Variants in CAMSAP2 observed in about 807,000 individuals in gnomAD.
The protein encoded by CAMSAP2 is calmodulin regulated spectrin associated protein family member 2.
CAMSAP2 carries 26 observed loss-of-function variants against 146.1 expected under a neutral mutation model. The observed-to-expected ratio is 0.18, with a 90% confidence interval of 0.13 to 0.25. The LOEUF is 0.25. Ranked by LOEUF, CAMSAP2 falls within the 10% of genes least tolerant of loss-of-function variation. The probability of loss-of-function intolerance (pLI) is 1.00; values close to 1 mark genes in which losing one functional copy is unlikely to be tolerated. For missense variants in CAMSAP2, 1,381 were observed against 1,759.3 expected (o/e 0.78, Z 3.85); for synonymous variants, 499 against 596.6 (o/e 0.84, Z 2.38).
At chr1:200,746,689 G>A (rs1213863639) in intron 1 of CAMSAP2, among the ~76,000 whole-genome samples, 2 of 151,348 alleles carry the variant, frequency 1.3e-5, no homozygotes, top group Non-Finnish European at 2.9e-5. Context: ...CGTGATCTCG[G>A]CTCACTGCAA....
chr1:200,768,789 G>C (rs1344611892), intron 2 of CAMSAP2, among the ~76,000 whole-genome samples: 1 of 152,076 alleles, frequency 6.6e-6, no homozygotes, highest in Admixed American at 6.6e-5. Flanking sequence ...AAGTAGCTGG[G>C]ACTACAGGCG....
intron 4 of CAMSAP2, among the ~76,000 whole-genome samples, chr1:200,817,085 C>CACGTGTGTGTATAT (rs1666583507): frequency 6.9e-6 from 1 of 144,034 alleles, no homozygotes; most frequent in Admixed American, 6.7e-5. Context: ...TGTATACACA[C>CACGTGTGTGTATAT]ACACGTATAT....
At position 200,807,498 on chromosome 1, in the gene CAMSAP2, C is replaced by T. The variant is rs1232239490; in HGVS notation, c.522C>T (p.Pro174=). Residue 174 remains proline (P), a synonymous_variant, in exon 3 of 17, where the codon CCC becomes CCT. Coordinates refer to ENST00000358823, the MANE Select transcript of CAMSAP2 (RefSeq NM_203459.4). ...YSAFFQATDL[P]YDIEDAVMYW... ...CTTTTTTTCAAGCCACAGATCTGCCCTATGATATTGAGGACGCTGTCATGT... is the reference window on the plus strand; with the variant it reads ...CTTTTTTTCAAGCCACAGATCTGCCTTATGATATTGAGGACGCTGTCATGT... 1 of 1,608,620 alleles carries T rather than the reference C, an allele frequency of 6.2e-7. No homozygotes were observed.
rs1667148812 is a variant in CAMSAP2 at position 200,834,969 on chromosome 1, G to A, written c.927+2124G>A. Among the ~76,000 whole-genome samples the A allele has an allele frequency of 3.9e-5, 6 of 152,306 alleles. No homozygotes were observed. The South Asian group carries it at 1.2e-3, about 32-fold the overall frequency. ...CTTTTAATTTTTAAAGGTTAAAAAA[G>A]AGTGTTTAAAATAGTAATTATTTGA... On this transcript the variant is annotated intron_variant, in intron 6 of 16. Coordinates refer to ENST00000358823, the MANE Select transcript of CAMSAP2 (RefSeq NM_203459.4).
chr1:200,754,217 T>C (rs1054867129), intron 1 of CAMSAP2, among the ~76,000 whole-genome samples: 7 of 152,246 alleles, frequency 4.6e-5, no homozygotes, highest in African/African-American at 9.6e-5. Context: ...TTAAGGTTTC[T>C]TTATTCAAGT....
chr1:200,848,198 A>T lies in CAMSAP2; in HGVS notation c.1429A>T (p.Ile477Leu). The change falls in exon 11 of 17, where the codon ATA becomes TTA. Residue 477 changes from isoleucine (I) to leucine (L), a missense_variant. Around this residue, in one of 4 missense-constraint regions of CAMSAP2, gnomAD observed 447 missense variants for 462.2 expected, o/e 0.97. Transcript: ENST00000358823. ...TAGGAAAAATTTGTCCTTCAAGCCA[A>T]TAAATGGAGAAGAGGAAGCAGAGAG... ...HIRKNLSFKP[I>L]NGEEEAESIE... 1 of 1,613,972 alleles carries T rather than the reference A, an allele frequency of 6.2e-7. No homozygotes were observed. The highest frequency in any genetic ancestry group is 1.1e-5 in the South Asian group (1 of 91,066).
intron 4 of CAMSAP2, among the ~76,000 whole-genome samples, chr1:200,822,485 C>A (rs879680561): frequency 1.4e-4 from 21 of 152,058 alleles, no homozygotes; most frequent in Non-Finnish European, 2.8e-4. Context: ...TCTAATATTT[C>A]CTCATTATTA....
intron 6 of CAMSAP2, among the ~76,000 whole-genome samples, chr1:200,837,094 A>G (rs1667204387): frequency 6.6e-6 from 1 of 152,096 alleles, no homozygotes; most frequent in African/African-American, 2.4e-5. Flanking sequence ...TTGTAGTTTA[A>G]TTAGATCCTA....
chr1:200,781,734 G>A (rs910850658), intron 2 of CAMSAP2, among the ~76,000 whole-genome samples: 1 of 151,952 alleles, frequency 6.6e-6, no homozygotes, highest in Non-Finnish European at 1.5e-5. Flanking sequence ...TGTAGAGACA[G>A]GGTTTTGCCA....
At chr1:200,819,105 T>A (rs768681900) in intron 4 of CAMSAP2, among the ~76,000 whole-genome samples, 5 of 152,198 alleles carry the variant, frequency 3.3e-5, no homozygotes, top group Non-Finnish European at 5.9e-5. Context: ...TATATATTAT[T>A]AGGGTTGGAC....
At chr1:200,777,570 T>G (rs1437097806) in intron 2 of CAMSAP2, among the ~76,000 whole-genome samples, 2 of 152,162 alleles carry the variant, frequency 1.3e-5, no homozygotes, top group Admixed American at 6.5e-5. Context: ...TTTTCTAACT[T>G]CTAGGAGTCA....
chr1:200,743,035 A>G (rs1178433048), intron 1 of CAMSAP2, among the ~76,000 whole-genome samples: 1 of 152,230 alleles, frequency 6.6e-6, no homozygotes, highest in Non-Finnish European at 1.5e-5. Flanking sequence ...TGAAGAATAC[A>G]TTTTTATAGA....
At chr1:200,836,750 C>T (rs148319973) in intron 6 of CAMSAP2, among the ~76,000 whole-genome samples, 1 of 152,200 alleles carries the variant, frequency 6.6e-6, no homozygotes, top group Admixed American at 6.5e-5. Context: ...TTTGTCAACA[C>T]CTATTATTTT....
intron 3 of CAMSAP2, among the ~76,000 whole-genome samples, chr1:200,814,523 T>C (rs934020036): frequency 6.9e-6 from 1 of 144,966 alleles, no homozygotes; most frequent in Non-Finnish European, 1.5e-5. Context: ...GGCAGGAGAA[T>C]TGCTTGAACC....
In CAMSAP2 at chr1:200,857,193, G is replaced by A; in HGVS notation, c.4013-113G>A. ...TAAGAGGCCTTTAAGCACAGAATTT[G>A]GTCTTCTATTACAATATTTCAGCAG... On this transcript the variant is annotated intron_variant, in intron 15 of 16. Coordinates refer to ENST00000358823, the MANE Select transcript of CAMSAP2 (RefSeq NM_203459.4). The surrounding 1 kb of genome is among the most constrained non-coding windows in gnomAD (Gnocchi z 4.7). 1.3e-6 allele frequency: 1 copy of A among 749,786 alleles called. No individual in the cohort carries two copies. The highest frequency in any genetic ancestry group is 1.6e-5 in the South Asian group (1 of 61,150). 46.4% of individuals were successfully genotyped at this position (749,786 alleles called of 1,614,324 possible). A position where few individuals can be genotyped will look rare whatever the true frequency, so the allele number is the denominator to read the frequency against.
At chr1:200,801,303 A>G (rs1469417240) in intron 2 of CAMSAP2, among the ~76,000 whole-genome samples, 1 of 149,342 alleles carries the variant, frequency 6.7e-6, no homozygotes, top group East Asian at 2.0e-4. Flanking sequence ...ATTGGCCCCC[A>G]CTCTCTTCTG....
chr1:200,832,009 C>G lies in CAMSAP2; in HGVS notation c.646-191C>G. 1 of 530,068 alleles carries G rather than the reference C, an allele frequency of 1.9e-6. No individual in the cohort carries two copies. The highest frequency in any genetic ancestry group is 2.7e-5 in the South Asian group (1 of 36,466). 32.8% of individuals were successfully genotyped at this position (530,068 alleles called of 1,614,324 possible). ...TTATATTAAGTATTGAGCTTCAAAA[C>G]TATAGCTATTGTTGCCGTGTATTTA... On this transcript the variant is annotated intron_variant, in intron 4 of 16. Coordinates refer to ENST00000358823, the MANE Select transcript of CAMSAP2 (RefSeq NM_203459.4). The surrounding 1 kb of genome is among the most constrained non-coding windows in gnomAD (Gnocchi z 4.2).
chr1:200,753,720 C>T (rs1412741460), intron 1 of CAMSAP2, among the ~76,000 whole-genome samples: 1 of 152,180 alleles, frequency 6.6e-6, no homozygotes, highest in African/African-American at 2.4e-5. Context: ...TTTCTTCCCT[C>T]TTTCGTACTT....
Position 200,788,102 on chromosome 1 carries a change from A to G in CAMSAP2, c.400-19274A>G, listed in dbSNP as rs79430198. ...ATGGAATGGAACCTGCAATATATCC[A>G]AGGAGTGCCTGTAGTTGGAATCATA... On this transcript the variant is annotated intron_variant, in intron 2 of 16. Coordinates refer to ENST00000358823, the MANE Select transcript of CAMSAP2 (RefSeq NM_203459.4). Among the ~76,000 whole-genome samples, 303 of 152,310 alleles carry G rather than the reference A, an allele frequency of 2.0e-3. 5 individuals carry two copies. Among genetic ancestry groups the G allele is most frequent in the African/African-American group, 7.1e-3 (293 of 41,554 alleles).
Sources: gnomAD v4.1 joint callset for allele counts (sites outside exome capture counted in the v4.1 genomes callset) on GRCh38, gnomAD v4.1.1 for gene constraint, gnomAD v4.1.1 regional missense constraint, Gnocchi (gnomAD v3.1) non-coding constraint, MANE v1.5 for transcripts, NCBI Gene and HGNC (gene_info 2026-07-23, HGNC 2026-07-21) for gene names.